Variants in NOTCH2NLB observed in about 807,000 individuals in gnomAD.
NOTCH2NLB encodes notch 2 N-terminal like B.
Under a neutral mutation model 14.8 loss-of-function variants are expected in NOTCH2NLB, and 1 was observed. The ratio of observed to expected loss-of-function variants is 0.07; its 90% CI spans 0.02 to 0.32. The LOEUF (loss-of-function observed/expected upper bound fraction) is 0.32. Among genes scored for constraint, NOTCH2NLB ranks in the 10% least tolerant of loss-of-function variants. The pLI is 1.00. For synonymous variants in NOTCH2NLB, 6 were observed against 57.5 expected (o/e 0.10, Z 4.05); for missense variants, 11 against 155.0 (o/e 0.07, Z 4.93).
At chr1:148,626,318 GAAA>G (rs1228681482) in intron 2 of NOTCH2NLB, among the ~76,000 whole-genome samples, 1 of 98,504 alleles carries the variant, frequency 1.0e-5, no homozygotes, top group African/African-American at 4.5e-5. Context: ...TAAAAAGAAA[GAAA>G]AAAAAGGAAA....
At chr1:148,674,897 A>G (rs1362410865) in intron 1 of NOTCH2NLB, among the ~76,000 whole-genome samples, 1 of 141,530 alleles carries the variant, frequency 7.1e-6, no homozygotes, top group East Asian at 2.2e-4. Flanking sequence ...CTAAATGTAC[A>G]TATTCTCTCA....
the NOTCH2NLB span, among the ~76,000 whole-genome samples, chr1:148,691,938 A>C: frequency 1.4e-5 from 1 of 73,084 alleles, no homozygotes; most frequent in Non-Finnish European, 2.6e-5. Flanking sequence ...GGCCCTCACC[A>C]GAAGCAGATG....
At chr1:148,615,336 G>C (rs1663779738) in intron 3 of NOTCH2NLB, among the ~76,000 whole-genome samples, 1 of 38,906 alleles carries the variant, frequency 2.6e-5, no homozygotes, top group African/African-American at 6.0e-5. Flanking sequence ...TTTTTGTAGA[G>C]ATGGGGTCTT....
At chr1:148,607,692 T>TACA in exon 4 of NOTCH2NLB, 1 of 1,328,966 alleles carries the variant, frequency 7.5e-7, no homozygotes, top group South Asian at 1.2e-5. Flanking sequence ...GTACAGGTAC[T>TACA]TCCATTTGCA....
At chr1:148,670,498 CAT>C (rs1312876538) in intron 1 of NOTCH2NLB, among the ~76,000 whole-genome samples, 50 of 116,474 alleles carry the variant, frequency 4.3e-4, no homozygotes, top group African/African-American at 1.2e-3. Context: ...TGTGTGTGTG[CAT>C]ATATATATAT....
intron 2 of NOTCH2NLB, among the ~76,000 whole-genome samples, chr1:148,637,227 C>T (rs1170537126): frequency 1.4e-5 from 2 of 144,776 alleles, no homozygotes; most frequent in Non-Finnish European, 3.0e-5. Flanking sequence ...TGCCACCACG[C>T]CCAGCTAATT....
At chr1:148,707,980 G>T in the NOTCH2NLB span, among the ~76,000 whole-genome samples, 2 of 69,476 alleles carry the variant, frequency 2.9e-5, no homozygotes, top group African/African-American at 1.3e-4. Flanking sequence ...CTTTTCTACT[G>T]GTGTAGCATT....
intron 3 of NOTCH2NLB, among the ~76,000 whole-genome samples, chr1:148,615,323 G>GT (rs1284084024): frequency 2.6e-5 from 1 of 38,882 alleles, no homozygotes; most frequent in African/African-American, 6.0e-5. Flanking sequence ...TTTTATTCTT[G>GT]TTTTTTTGTA....
intron 2 of NOTCH2NLB, among the ~76,000 whole-genome samples, chr1:148,627,602 C>G (rs1450012879): frequency 6.6e-6 from 1 of 150,754 alleles, no homozygotes. Flanking sequence ...CACTTCCAGA[C>G]CTCTGTACAC....
At chr1:148,638,617 C>A (rs1664271708) in intron 2 of NOTCH2NLB, among the ~76,000 whole-genome samples, 1 of 149,198 alleles carries the variant, frequency 6.7e-6, no homozygotes, top group Admixed American at 6.6e-5. Context: ...CTACATAAAA[C>A]CTTTATTTCC....
intron 3 of NOTCH2NLB, among the ~76,000 whole-genome samples, chr1:148,610,333 G>GAAAC (rs1558381300): frequency 2.5e-5 from 2 of 79,288 alleles, no homozygotes; most frequent in Admixed American, 1.2e-4. Context: ...GAGAAAGAAA[G>GAAAC]AAAGAAAGAA....
chr1:148,618,026 TG>T (rs1663827601), intron 2 of NOTCH2NLB, among the ~76,000 whole-genome samples: 1 of 101,224 alleles, frequency 9.9e-6, no homozygotes, highest in South Asian at 4.3e-4. Flanking sequence ...CATTCCAGCC[TG>T]GGCAACAGAG....
upstream of NOTCH2NLB, chr1:148,679,780 G>C: frequency 2.5e-5 from 14 of 563,112 alleles, 1 homozygote; most frequent in South Asian, 4.8e-4. Flanking sequence ...AAGCAGCCTC[G>C]TGTGTCCTTC....
chr1:148,658,550 CT>C (rs1194273075), intron 1 of NOTCH2NLB, among the ~76,000 whole-genome samples: 548 of 38,538 alleles, frequency 0.014, no homozygotes, highest in African/African-American at 0.019. Flanking sequence ...CCCAATACCA[CT>C]TTTTTTTTTT....
rs1459784932 is a variant in NOTCH2NLB, at chr1:148,638,065, G to C, written c.77+1951C>G. ...CTGAAGTAAACACACATGTGCATGT[G>C]TCCTTATAGCAGAATGATTTATAAT... On this transcript the variant is annotated intron_variant, in intron 2 of 4. Transcript: ENST00000593495. 2.8e-4 allele frequency among the ~76,000 whole-genome samples: 42 copies of C among 148,840 alleles called. 1 individual carries two copies. Among genetic ancestry groups the C allele is most frequent in the Non-Finnish European group, 3.6e-4 (24 of 67,244 alleles).
At chr1:148,632,981 C>T (rs1664139191) in intron 2 of NOTCH2NLB, among the ~76,000 whole-genome samples, 1 of 118,762 alleles carries the variant, frequency 8.4e-6, no homozygotes, top group Non-Finnish European at 1.7e-5. Flanking sequence ...CCAAACCTGG[C>T]CCATGTACAC....
intron 3 of NOTCH2NLB, among the ~76,000 whole-genome samples, chr1:148,608,960 T>C (rs1663598127): frequency 1.7e-5 from 2 of 116,296 alleles, no homozygotes; most frequent in Non-Finnish European, 3.5e-5. Flanking sequence ...AGCAGATTCT[T>C]TGAGGCAGAA....
At chr1:148,638,546 G>A (rs1206404716) in intron 2 of NOTCH2NLB, among the ~76,000 whole-genome samples, 3 of 148,876 alleles carry the variant, frequency 2.0e-5, no homozygotes, top group African/African-American at 7.5e-5. Context: ...TCTTAGAGGA[G>A]AATGCACCAC....
intron 1 of NOTCH2NLB, among the ~76,000 whole-genome samples, chr1:148,670,832 G>A (rs1401742408): frequency 6.1e-5 from 3 of 49,426 alleles, no homozygotes; most frequent in South Asian, 7.7e-4. Flanking sequence ...CTGTTGCTAC[G>A]TAAACCTACC....
Sources: gnomAD v4.1 joint callset for allele counts (sites outside exome capture counted in the v4.1 genomes callset) on GRCh38, gnomAD v4.1.1 for gene constraint, MANE v1.5 for transcripts, NCBI Gene and HGNC (gene_info 2026-07-23, HGNC 2026-07-21) for gene names.